The following PPAN variants were observed in gnomAD, a reference collection of about 807,000 sequenced individuals.
The protein encoded by PPAN is suppressor of SWI4 1 homolog.
Under a neutral mutation model 48.5 loss-of-function variants are expected in PPAN, and 39 were observed. The ratio of observed to expected loss-of-function variants is 0.80; its 90% CI spans 0.62 to 1.05. The LOEUF (loss-of-function observed/expected upper bound fraction) is 1.05. Among genes scored for constraint, PPAN ranks in the 50% least tolerant of loss-of-function variants. PPAN has a pLI of 0.00. For synonymous variants in PPAN, 315 were observed against 268.6 expected (o/e 1.17, Z -1.69); for missense variants, 736 against 661.7 (o/e 1.11, Z -1.23).
upstream of PPAN, chr19:10,106,346 C>T (rs2088819918): frequency 6.5e-7 from 1 of 1,548,542 alleles, no homozygotes; most frequent in African/African-American, 1.4e-5. Context: ...GTGAGCTGCG[C>T]AGCGCCGGAA....
Position 10,110,800 on chromosome 19 carries a change from G to A in PPAN, c.1135G>A (p.Asp379Asn), listed in dbSNP as rs769176738. Residue 379 changes from aspartate (D) to asparagine (N), a missense_variant, in exon 11 of 12, where the codon GAT (aspartate) becomes AAT (asparagine). Coordinates refer to ENST00000253107, the MANE Select transcript of PPAN (RefSeq NM_020230.7). This position sits in a 1 kb window ranked among gnomAD's most constrained non-coding sequence, Gnocchi z 5.9. ...GGCGAGCCTGGAGTTGGGTGAGGAC[G>A]ATGATGAACAGGAAGATGATGACAT... Reference protein sequence around the residue: ...RTASLELGEDDDEQEDDDIEY... With the variant: ...RTASLELGEDNDEQEDDDIEY... 1.8e-5 allele frequency: 29 copies of A among 1,613,914 alleles called. No homozygotes were observed. The highest frequency in any genetic ancestry group is 6.7e-5 in the Admixed American group (4 of 60,002).
chr19:10,107,464 G>A (rs1371391619), intron 2 of PPAN, 41 bp from the exon 3 acceptor site: 3 of 1,599,650 alleles, frequency 1.9e-6, no homozygotes, highest in East Asian at 2.2e-5. Flanking sequence ...TCACAACAAG[G>A]GATAAGCTAT....
rs1366579328 is a variant in PPAN, at chr19:10,111,674, G to T, written c.*509G>T. 6 of 1,613,134 alleles carry T rather than the reference G, an allele frequency of 3.7e-6. No individual in the cohort carries two copies. Among genetic ancestry groups the T allele is most frequent in the African/African-American group, 1.3e-5 (1 of 74,916 alleles). ...CTAAGCCACTGGTGACTGGGGGAGG[G>T]GCTGGGGAACTGGGTAGCAGACACA... is the stretch of plus-strand genomic sequence containing the variant. On this transcript the variant is annotated 3_prime_UTR_variant, in exon 12 of 12. Coordinates refer to ENST00000253107, the MANE Select transcript of PPAN (RefSeq NM_020230.7).
rs760526967 is a variant in PPAN at position 10,111,188 on chromosome 19, G to C, written c.*23G>C. 2 of 1,537,090 alleles carry C rather than the reference G, an allele frequency of 1.3e-6. No individual in the cohort carries two copies. Among genetic ancestry groups the C allele is most frequent in the Non-Finnish European group, 1.7e-6 (2 of 1,144,324 alleles). On this transcript the variant is annotated 3_prime_UTR_variant, in exon 12 of 12. Transcript: ENST00000253107. ...TGAGCCCAAGCCGCACCGGAGCAGC[G>C]GCTGGATTGAACGCCCCAGATTGGG...
At chr19:10,107,646 C>G in intron 3 of PPAN, 40 bp downstream of exon 3, 3 of 1,610,454 alleles carry the variant, frequency 1.9e-6, no homozygotes, top group South Asian at 1.1e-5. Context: ...CCCAGACCCC[C>G]CCTTCCCCTA....
At position 10,110,904 on chromosome 19, in the gene PPAN, G is replaced by A. The variant is rs1181802616; in HGVS notation, c.1201+38G>A. On this transcript the variant is annotated intron_variant, in intron 11 of 11. Coordinates refer to ENST00000253107, the MANE Select transcript of PPAN (RefSeq NM_020230.7). This position sits in a 1 kb window ranked among gnomAD's most constrained non-coding sequence, Gnocchi z 5.9. ...GTCTGCAGCAGGGCACCCAGAGCCT[G>A]TCCTTGTCTCTGGGGGCCCTGACAC... The A allele has an allele frequency of 2.5e-6, 4 of 1,613,228 alleles. No homozygotes were observed. The highest frequency in any genetic ancestry group is 1.1e-5 in the South Asian group (1 of 91,070).
In PPAN at chr19:10,110,731, G is replaced by T; in HGVS notation, c.1066G>T (p.Val356Phe). 6.2e-7 allele frequency: 1 copy of T among 1,613,948 alleles called. No homozygotes were observed. Among genetic ancestry groups the T allele is most frequent in the Non-Finnish European group, 8.5e-7 (1 of 1,179,982 alleles). ...KSLEGMKKAR[V>F]GGSDEEASGI... ...CCTGGAGGGCATGAAGAAGGCACGGGTCGGGGGTAGTGATGAAGAGGCCTC... is the reference window on the plus strand; with the variant it reads ...CCTGGAGGGCATGAAGAAGGCACGGTTCGGGGGTAGTGATGAAGAGGCCTC... The change falls in exon 11 of 12, where the codon GTC becomes TTC. Residue 356 changes from valine to phenylalanine, a missense_variant. Val to Phe is a conservative substitution (Grantham distance 50). Coordinates refer to ENST00000253107, the MANE Select transcript of PPAN (RefSeq NM_020230.7). The surrounding 1 kb of genome is among the most constrained non-coding windows in gnomAD (Gnocchi z 5.9).
In PPAN at chr19:10,110,534, G is replaced by T; in HGVS notation, c.951G>T (p.Lys317Asn). 4 of 1,612,030 alleles carry T rather than the reference G, an allele frequency of 2.5e-6. No individual in the cohort carries two copies. The highest frequency in any genetic ancestry group is 3.4e-6 in the Non-Finnish European group (4 of 1,179,682). The change falls in exon 10 of 12, where the codon AAG becomes AAT. Residue 317 changes from lysine to asparagine, a missense_variant. Coordinates refer to ENST00000253107, the MANE Select transcript of PPAN (RefSeq NM_020230.7). The surrounding 1 kb of genome is among the most constrained non-coding windows in gnomAD (Gnocchi z 5.9). The stretch of plus-strand genomic sequence containing the variant: ...AGGCCATCCTGGAAGCCAAGGAGAA[G>T]AAGCTGCGGCTGAAGGCGCAGAGGC... ...ELQAILEAKE[K>N]KLRLKAQRQA...
At position 10,110,627 on chromosome 19, in the gene PPAN, C is replaced by T; in HGVS notation, c.1031+13C>T. 1 of 1,608,104 alleles carries T rather than the reference C, an allele frequency of 6.2e-7. No individual in the cohort carries two copies. ...GGGAGGCCCACAGGTCCAGGCAGAGCTGGGAAGGGCAGGGCCAAGGGGGGG... is the reference window on the plus strand; with the variant it reads ...GGGAGGCCCACAGGTCCAGGCAGAGTTGGGAAGGGCAGGGCCAAGGGGGGG... On this transcript the variant is annotated intron_variant, in intron 10 of 11. Coordinates refer to ENST00000253107, the MANE Select transcript of PPAN (RefSeq NM_020230.7). The surrounding 1 kb of genome is among the most constrained non-coding windows in gnomAD (Gnocchi z 5.9).
chr19:10,108,234 TG>T, intron 5 of PPAN, 100 bp downstream of exon 5: 1 of 1,473,106 alleles, frequency 6.8e-7, no homozygotes, highest in Non-Finnish European at 9.1e-7. Context: ...GCGCTGAGAC[TG>T]GGAGCTCCTG....
Position 10,109,981 on chromosome 19 carries a change from A to C in PPAN, c.659A>C (p.Asn220Thr), listed in dbSNP as rs774869611. The C allele has an allele frequency of 6.2e-7, 1 of 1,613,972 alleles. No homozygotes were observed. Among genetic ancestry groups the C allele is most frequent in the Admixed American group, 1.7e-5 (1 of 60,026 alleles). The change falls in exon 7 of 12, where the codon AAC becomes ACC. Residue 220 changes from asparagine (N) to threonine (T), a missense_variant. Asn to Thr is a moderately conservative substitution (Grantham distance 65, BLOSUM62 0). Transcript: ENST00000253107. ...MKKLLQEKFP[N>T]MSRLQDISEL... is the part of the protein sequence containing the mutation. ...AAGCTGCTCCAGGAGAAGTTCCCCA[A>C]CATGAGCCGCCTGCAGGACATCAGC...
chr19:10,107,973 G>A lies in PPAN; in HGVS notation c.352G>A (p.Val118Met). 6.2e-7 allele frequency: 1 copy of A among 1,608,010 alleles called. No homozygotes were observed. ...CTCTCCTGTCCTACAGTACTCGCTG[G>A]TGCGTGATGTGGTCTCCTCACTGCG... ...LTFQVKKYSL[V>M]RDVVSSLRRH... Residue 118 changes from valine to methionine, a missense_variant, in exon 5 of 12, where the codon GTG becomes ATG. Transcript: ENST00000253107.
Position 10,110,722 on chromosome 19 carries a change from A to G in PPAN, c.1057A>G (p.Lys353Glu). Reference protein sequence around the residue: ...HRKKSLEGMKKARVGGSDEEA... With the variant: ...HRKKSLEGMKEARVGGSDEEA... ...AAAGAAGAGCCTGGAGGGCATGAAG[A>G]AGGCACGGGTCGGGGGTAGTGATGA... is the stretch of plus-strand genomic sequence containing the variant. The change falls in exon 11 of 12, where the codon AAG becomes GAG. Residue 353 changes from lysine to glutamate, a missense_variant. Coordinates refer to ENST00000253107, the MANE Select transcript of PPAN (RefSeq NM_020230.7). This position sits in a 1 kb window ranked among gnomAD's most constrained non-coding sequence, Gnocchi z 5.9. 1.2e-6 allele frequency: 2 copies of G among 1,613,776 alleles called. No individual in the cohort carries two copies. Among genetic ancestry groups the G allele is most frequent in the Non-Finnish European group, 8.5e-7 (1 of 1,179,966 alleles).
chr19:10,109,047 C>T (rs963641015), intron 5 of PPAN, among the ~76,000 whole-genome samples: 22 of 151,432 alleles, frequency 1.5e-4, no homozygotes, highest in Non-Finnish European at 2.5e-4. Flanking sequence ...TTGCAAGCTC[C>T]GCCTCCCAGG....
chr19:10,109,631 G>T lies in PPAN; in HGVS notation c.514G>T (p.Val172Leu), dbSNP rs1200339413. Residue 172 changes from valine to leucine, a missense_variant and splice_region_variant, in exon 6 of 12, where the codon GTG (valine) becomes TTG (leucine). Coordinates refer to ENST00000253107, the MANE Select transcript of PPAN (RefSeq NM_020230.7). ...CTATGCTCTCTTCCTCCCCTTCCAG[G>T]TGAACCTGAACACCATCAAGCGCTG... ...NLFPSINVHK[V>L]NLNTIKRCLL... The T allele has an allele frequency of 1.9e-6, 3 of 1,612,732 alleles. No individual in the cohort carries two copies. The highest frequency in any genetic ancestry group is 1.1e-5 in the South Asian group (1 of 90,910).
chr19:10,109,087 G>A (rs984046820), intron 5 of PPAN, among the ~76,000 whole-genome samples: 11 of 150,514 alleles, frequency 7.3e-5, no homozygotes, highest in Non-Finnish European at 1.3e-4. Context: ...TCAGCCTCCC[G>A]AGTAGCTGGG....
In PPAN at chr19:10,106,553, C is replaced by G. The variant is rs1232583284; in HGVS notation, c.71C>G (p.Ala24Gly). ...RAQAQLRNLE[A>G]YAANPHSFVF... Reference sequence around the variant, plus strand: ...CAGGCGCAGCTCCGCAACCTCGAGGCCTATGCCGCGAACCCGCACTCGTTC... The same window carrying G: ...CAGGCGCAGCTCCGCAACCTCGAGGGCTATGCCGCGAACCCGCACTCGTTC... Residue 24 changes from alanine (A) to glycine (G), a missense_variant, in exon 2 of 12, where the codon GCC becomes GGC. Physicochemically the swap from Ala to Gly is moderately conservative, Grantham distance 60 (BLOSUM62 0). Coordinates refer to ENST00000253107, the MANE Select transcript of PPAN (RefSeq NM_020230.7). 1.3e-6 allele frequency: 2 copies of G among 1,553,744 alleles called. No individual in the cohort carries two copies. The highest frequency in any genetic ancestry group is 1.2e-5 in the South Asian group (1 of 84,332).
At position 10,106,571 on chromosome 19, in the gene PPAN, A is replaced by T; in HGVS notation, c.89A>T (p.His30Leu). Residue 30 changes from histidine to leucine, a missense_variant, in exon 2 of 12, where the codon CAC (histidine) becomes CTC (leucine). His to Leu is a moderately conservative substitution (Grantham distance 99, BLOSUM62 -3). Coordinates refer to ENST00000253107, the MANE Select transcript of PPAN (RefSeq NM_020230.7). ...RNLEAYAANP[H>L]SFVFTRGCTG... The stretch of plus-strand genomic sequence containing the variant: ...CTCGAGGCCTATGCCGCGAACCCGC[A>T]CTCGTTCGTGTTCACGCGAGGCTGC... 1.9e-6 allele frequency: 3 copies of T among 1,552,856 alleles called. No homozygotes were observed. Among genetic ancestry groups the T allele is most frequent in the Non-Finnish European group, 2.6e-6 (3 of 1,148,822 alleles).
At chr19:10,108,489 C>T (rs1323586033) in intron 5 of PPAN, among the ~76,000 whole-genome samples, 1 of 152,138 alleles carries the variant, frequency 6.6e-6, no homozygotes, top group Non-Finnish European at 1.5e-5. Context: ...TGGCTTCGGC[C>T]TGTAATCCCA....
Sources: gnomAD v4.1 joint callset for allele counts (sites outside exome capture counted in the v4.1 genomes callset) on GRCh38, gnomAD v4.1.1 for gene constraint, Gnocchi (gnomAD v3.1) non-coding constraint, MANE v1.5 for transcripts, NCBI Gene and HGNC (gene_info 2026-07-23, HGNC 2026-07-21) for gene names.